TRMT1L: variants seen among roughly 807,000 people sequenced by gnomAD.
TRMT1L encodes the protein tRNA (guanine(27)-N(2))-dimethyltransferase.
A neutral mutation model predicts 81.6 loss-of-function variants in TRMT1L; 28 were observed. The observed-to-expected ratio is 0.34, with a 90% CI of 0.25 to 0.47. The LOEUF is 0.47. Among genes scored for constraint, TRMT1L ranks in the 20% least tolerant of loss-of-function variants. The probability of loss-of-function intolerance (pLI) is 1.00; values close to 1 mark genes in which losing one functional copy is unlikely to be tolerated. For missense variants in TRMT1L, 739 were observed against 877.1 expected (o/e 0.84, Z 1.99); for synonymous variants, 301 against 303.2 (o/e 0.99, Z 0.07).
intron 11 of TRMT1L, among the ~76,000 whole-genome samples, chr1:185,126,477 A>G (rs1290222397): frequency 6.6e-6 from 1 of 152,024 alleles, no homozygotes; most frequent in Non-Finnish European, 1.5e-5. Flanking sequence ...AAACTTCTCT[A>G]TATATCCTCA....
At position 185,150,430 on chromosome 1, in the gene TRMT1L, G is replaced by C; in HGVS notation, c.409C>G (p.Leu137Val). The C allele has an allele frequency of 6.2e-7, 1 of 1,613,710 alleles. No homozygotes were observed. The change falls in exon 3 of 15, where the codon CTT (leucine) becomes GTT (valine). Residue 137 changes from leucine (L) to valine (V), a missense_variant. Physicochemically the swap from Leu to Val is conservative, Grantham distance 32. Around this residue, in one of 4 missense-constraint regions of TRMT1L, gnomAD observed 209 missense variants for 165.4 expected, o/e 1.26. Coordinates refer to ENST00000367506, the MANE Select transcript of TRMT1L (RefSeq NM_030934.5). ...TGTAAATTCTGGAGGTGACGACGAA[G>C]CTTATGGCTATTACAAGCTCTGAAT... ...EKFRACNSHK[L>V]RRHLQNLHWK...
chr1:185,139,831 C>T, intron 8 of TRMT1L, 142 bp downstream of exon 8: 1 of 1,005,142 alleles, frequency 9.9e-7, no homozygotes, highest in Non-Finnish European at 1.4e-6. Context: ...AATTTTCATA[C>T]TGCATACCTT....
At position 185,156,489 on chromosome 1, in the gene TRMT1L, T is replaced by A. The variant is rs1202086354; in HGVS notation, c.224A>T (p.Glu75Val). The A allele has an allele frequency of 6.2e-7, 1 of 1,613,926 alleles. No individual in the cohort carries two copies. The highest frequency in any genetic ancestry group is 8.5e-7 in the Non-Finnish European group (1 of 1,179,892). Residue 75 changes from glutamate to valine, a missense_variant, in exon 1 of 15, where the codon GAG becomes GTG. By Grantham distance (121) the Glu-to-Val change is moderately radical. This residue lies in a region of TRMT1L where 209 missense variants were observed against 165.4 expected (regional missense o/e 1.26). Transcript: ENST00000367506. ...LSPSLASAPE[E>V]AKSKRHISIQ... is the part of the protein sequence containing the mutation. Reference sequence around the variant, plus strand: ...CCTTCTGCACTTACTGCTTTTAGCCTCCTCAGGGGCAGAGGCTAGGGACGG... The same window carrying A: ...CCTTCTGCACTTACTGCTTTTAGCCACCTCAGGGGCAGAGGCTAGGGACGG...
In TRMT1L at chr1:185,124,933, C is replaced by A; in HGVS notation, c.1759+11G>T. On this transcript the variant is annotated intron_variant, in intron 12 of 14. Transcript: ENST00000367506. Reference sequence around the variant, plus strand: ...AGTTTAAAGCTAGTAAGCTAGCGTTCAGTTAGTCACCTTGCTTGTTGACAT... The same window carrying A: ...AGTTTAAAGCTAGTAAGCTAGCGTTAAGTTAGTCACCTTGCTTGTTGACAT... 3 of 1,603,842 alleles carry A rather than the reference C, an allele frequency of 1.9e-6. No homozygotes were observed. Among genetic ancestry groups the A allele is most frequent in the South Asian group, 2.3e-5 (2 of 88,666 alleles).
intron 7 of TRMT1L, 101 bp from the exon 8 acceptor site, chr1:185,140,323 A>G: frequency 1.0e-6 from 1 of 1,004,390 alleles, no homozygotes; most frequent in South Asian, 1.9e-5. Context: ...AAATTATTTC[A>G]AAATTTAATG....
intron 7 of TRMT1L, among the ~76,000 whole-genome samples, chr1:185,142,888 A>T (rs1211733746): frequency 6.6e-6 from 1 of 152,198 alleles, no homozygotes; most frequent in Non-Finnish European, 1.5e-5. Flanking sequence ...CACCTGAAAT[A>T]CAGTTTTTGT....
rs750264594 is a variant in TRMT1L, at chr1:185,120,042, C to A, written c.2179G>T (p.Ala727Ser). ...VEMSVNDKAEASGCRRW is the reference protein window; with the variant it reads ...VEMSVNDKAESSGCRRW ...GTTTACCATCTTCTGCAGCCACTTG[C>A]TTCTGCTTTGTCATTCACTGACATT... Residue 727 changes from alanine (A) to serine (S), a missense_variant, in exon 15 of 15, where the codon GCA (alanine) becomes TCA (serine). Physicochemically the swap from Ala to Ser is moderately conservative, Grantham distance 99. Around this residue, in one of 4 missense-constraint regions of TRMT1L, gnomAD observed 196 missense variants for 232.6 expected, o/e 0.84. Transcript: ENST00000367506. 1.9e-6 allele frequency: 3 copies of A among 1,613,740 alleles called. No homozygotes were observed. Among genetic ancestry groups the A allele is most frequent in the East Asian group, 2.2e-5 (1 of 44,880 alleles).
intron 1 of TRMT1L, 135 bp from the exon 2 acceptor site, chr1:185,152,070 G>C (rs753424042): frequency 2.9e-5 from 14 of 476,666 alleles, no homozygotes; most frequent in Admixed American, 1.3e-4. Flanking sequence ...GCCACAACTC[G>C]GTTTATAAAA....
intron 9 of TRMT1L, among the ~76,000 whole-genome samples, chr1:185,138,931 G>A (rs1033981042): frequency 2.0e-5 from 3 of 152,130 alleles, no homozygotes; most frequent in Non-Finnish European, 4.4e-5. Flanking sequence ...GTGATTACAG[G>A]TGTGTACCAA....
chr1:185,130,387 AG>A (rs1281548742), intron 10 of TRMT1L, among the ~76,000 whole-genome samples: 2 of 152,222 alleles, frequency 1.3e-5, no homozygotes, highest in African/African-American at 4.8e-5. Flanking sequence ...ATAAAATGGG[AG>A]AGGAGGTAAC....
chr1:185,137,385 G>A, intron 10 of TRMT1L: 1 of 635,002 alleles, frequency 1.6e-6, no homozygotes, highest in Admixed American at 2.5e-5. Context: ...TTCGATAGAA[G>A]GCAGAGCTAG....
chr1:185,156,371 C>T (rs1324320942), intron 1 of TRMT1L, 107 bp downstream of exon 1: 3 of 1,610,696 alleles, frequency 1.9e-6, no homozygotes, highest in East Asian at 4.5e-5. Flanking sequence ...TTTTCCTAAA[C>T]CTGCCTTGCC....
At chr1:185,146,471 A>G (rs1653191282) in intron 4 of TRMT1L, among the ~76,000 whole-genome samples, 2 of 152,002 alleles carry the variant, frequency 1.3e-5, no homozygotes, top group South Asian at 4.1e-4. Context: ...ACATTACCCA[A>G]GGTTCCTTGT....
At position 185,123,832 on chromosome 1, in the gene TRMT1L, T is replaced by C. The variant is rs756530334; in HGVS notation, c.1822+25A>G. On this transcript the variant is annotated intron_variant, in intron 13 of 14. Coordinates refer to ENST00000367506, the MANE Select transcript of TRMT1L (RefSeq NM_030934.5). ...GCCTTTTTGACCTGATATGTACATA[T>C]GTACACACATATATGCATACATACC... 5 of 1,432,468 alleles carry C rather than the reference T, an allele frequency of 3.5e-6. No homozygotes were observed. The East Asian group carries it at 1.1e-4, about 31-fold the overall frequency. 88.7% of individuals were successfully genotyped at this position (1,432,468 alleles called of 1,614,324 possible).
chr1:185,131,227 C>A (rs1652763093), intron 10 of TRMT1L, among the ~76,000 whole-genome samples: 1 of 151,982 alleles, frequency 6.6e-6, no homozygotes, highest in Admixed American at 6.6e-5. Flanking sequence ...TCTCGATCTC[C>A]TGACCTCATG....
intron 3 of TRMT1L, among the ~76,000 whole-genome samples, chr1:185,149,946 C>A (rs1434899172): frequency 6.6e-6 from 1 of 152,014 alleles, no homozygotes; most frequent in African/African-American, 2.4e-5. Context: ...TCCCACCATT[C>A]TGAATTCTCT....
intron 11 of TRMT1L, 69 bp downstream of exon 11, chr1:185,128,600 T>A: frequency 7.0e-7 from 1 of 1,437,310 alleles, no homozygotes; most frequent in South Asian, 1.2e-5. Context: ...CCACACATAA[T>A]AAAAATCAGC....
intron 11 of TRMT1L, among the ~76,000 whole-genome samples, chr1:185,127,699 TGGTGAGCCGAGATA>T (rs1652664211): frequency 1.5e-5 from 2 of 131,976 alleles, no homozygotes; most frequent in African/African-American, 3.0e-5. Context: ...GCAGAGGTTG[TGGTGAGCCGAGATA>T]GTGCCATTGC....
intron 10 of TRMT1L, among the ~76,000 whole-genome samples, chr1:185,131,062 C>T (rs1057188611): frequency 4.0e-5 from 6 of 151,706 alleles, no homozygotes; most frequent in Non-Finnish European, 7.4e-5. Context: ...TGCAGTGGTG[C>T]GATCTTGGCT....
Sources: gnomAD v4.1 joint callset for allele counts (sites outside exome capture counted in the v4.1 genomes callset) on GRCh38, gnomAD v4.1.1 for gene constraint, gnomAD v4.1.1 regional missense constraint, MANE v1.5 for transcripts, NCBI Gene and HGNC (gene_info 2026-07-23, HGNC 2026-07-21) for gene names.